The following RBM23 variants were observed in gnomAD, a reference collection of about 807,000 sequenced individuals.
RBM23 encodes the protein RNA binding motif protein 23, also known as probable RNA-binding protein 23.
In RBM23, 53 loss-of-function variants were observed where a neutral mutation model predicts 56.2. That is an observed-to-expected ratio of 0.94 (90% confidence interval 0.76 to 1.19). The LOEUF (loss-of-function observed/expected upper bound fraction) is 1.19, where lower values mean the gene tolerates loss of function less well. Among genes scored for constraint, RBM23 ranks in the 50% most tolerant of loss-of-function variants. The pLI is 0.00. For synonymous variants in RBM23, 197 were observed against 198.5 expected, an observed-to-expected ratio of 0.99 and a Z score of 0.06; for missense variants, 642 against 590.3, an observed-to-expected ratio of 1.09 and a Z score of -0.91.
Position 22,909,544 on chromosome 14 carries a change from T to C in RBM23, c.118A>G (p.Ser40Gly), listed in dbSNP as rs1566572231. The change falls in exon 3 of 14, where the codon AGC becomes GGC. Residue 40 changes from serine to glycine, a missense_variant. Transcript: ENST00000359890. The stretch of plus-strand genomic sequence containing the variant: ...TCATTGCCACTGTTGCTGGTGCTGC[T>C]GGTGGTATTGCTAGGATAATCCTTT... ...VKKDYPSNTTSSTSNSGNETS... is the reference protein window; with the variant it reads ...VKKDYPSNTTGSTSNSGNETS... 5.0e-6 allele frequency: 8 copies of C among 1,613,654 alleles called. No individual in the cohort carries two copies. Among genetic ancestry groups the C allele is most frequent in the Non-Finnish European group, 6.8e-6 (8 of 1,180,006 alleles).
At chr14:22,916,739 T>A (rs556291952) in intron 1 of RBM23, among the ~76,000 whole-genome samples, 1 of 152,198 alleles carries the variant, frequency 6.6e-6, no homozygotes, top group Non-Finnish European at 1.5e-5. Flanking sequence ...TCTTCTCATA[T>A]GTTTATCAAA....
At chr14:22,911,259 T>G in intron 2 of RBM23, 69 bp downstream of exon 2, 1 of 1,251,176 alleles carries the variant, frequency 8.0e-7, no homozygotes. Context: ...ATGTTGAAAG[T>G]TGAAAGTGAT....
At chr14:22,915,659 CTAATT>C (rs1205908835) in intron 1 of RBM23, among the ~76,000 whole-genome samples, 1 of 152,196 alleles carries the variant, frequency 6.6e-6, no homozygotes, top group African/African-American at 2.4e-5. Flanking sequence ...CTACGTCCCA[CTAATT>C]TTTGTATTTT....
intron 1 of RBM23, chr14:22,913,947 C>T (rs1445619566): frequency 6.6e-6 from 1 of 150,996 alleles, no homozygotes; most frequent in Admixed American, 6.6e-5. Flanking sequence ...TTGCTTGAAC[C>T]CGGGAGGCGG....
At chr14:22,905,694 A>T in intron 5 of RBM23, 35 bp from the exon 6 acceptor site, 1 of 1,503,278 alleles carries the variant, frequency 6.7e-7, no homozygotes, top group Non-Finnish European at 9.3e-7. Flanking sequence ...GTGAAACCTT[A>T]TTCTCATTGG....
At position 22,905,351 on chromosome 14, in the gene RBM23, G is replaced by C. The variant is rs2041349433; in HGVS notation, c.558C>G (p.Phe186Leu). ...RIRPRDLEDF[F>L]SAVGKVRDVR... ...GGAGGGTTACCTTGCCTACAGCAGA[G>C]AAAAAGTCCTCCAGATCTCGAGGCC... is the stretch of plus-strand genomic sequence containing the variant. The change falls in exon 7 of 14, where the codon TTC becomes TTG. Residue 186 changes from phenylalanine to leucine, a missense_variant. By Grantham distance (22) the Phe-to-Leu change is conservative (BLOSUM62 0). Transcript: ENST00000359890. 1.2e-6 allele frequency: 2 copies of C among 1,614,106 alleles called. No individual in the cohort carries two copies. The highest frequency in any genetic ancestry group is 1.6e-4 in the Middle Eastern group (1 of 6,062).
At chr14:22,907,131 G>A (rs745654545) in intron 4 of RBM23, among the ~76,000 whole-genome samples, 9 of 151,696 alleles carry the variant, frequency 5.9e-5, no homozygotes, top group African/African-American at 9.7e-5. Flanking sequence ...CCGACGTCGC[G>A]CCACTGCACT....
At position 22,904,963 on chromosome 14, in the gene RBM23, T is replaced by C. The variant is rs375240077; in HGVS notation, c.776A>G (p.Asn259Ser). The change falls in exon 9 of 14, where the codon AAT becomes AGT. Residue 259 changes from asparagine (N) to serine (S), a missense_variant. Physicochemically the swap from Asn to Ser is conservative, Grantham distance 46 (BLOSUM62 1). Transcript: ENST00000359890. ...CACATAGAGGCGCATTGGTCCACCA[T>C]TGCCCTTTTGCAGGTTGTTGGCCAT... The part of the protein sequence containing the change: ...AAMANNLQKG[N>S]GGPMRLYVGS... 139 of 1,614,218 alleles carry C rather than the reference T, an allele frequency of 8.6e-5. No individual in the cohort carries two copies. The highest frequency in any genetic ancestry group is 4.7e-4 in the East Asian group (21 of 44,888).
Position 22,911,360 on chromosome 14 carries a change from C to T in RBM23, c.34G>A (p.Ala12Thr). Residue 12 changes from alanine to threonine, a missense_variant, in exon 2 of 14, where the codon GCC becomes ACC. Ala to Thr is a moderately conservative substitution (Grantham distance 58, BLOSUM62 0). Transcript: ENST00000359890. ...TTTTTATAGGGAGCTTCCAGCATGG[C>T]CTCAATCACTATGTCAAAGTCATCA... The part of the protein sequence containing the change: ...ASDDFDIVIE[A>T]MLEAPYKKEE... 5 of 1,613,726 alleles carry T rather than the reference C, an allele frequency of 3.1e-6. No homozygotes were observed. The highest frequency in any genetic ancestry group is 4.2e-6 in the Non-Finnish European group (5 of 1,179,784).
rs1273744951 is a variant in RBM23, at chr14:22,901,670, G to C, written c.*60C>G. ...AAAATGGAGAAATGGGGCCATGGAA[G>C]AGTAGATGTGAAGTGGCAGGATCCA... On this transcript the variant is annotated 3_prime_UTR_variant, in exon 14 of 14. Transcript: ENST00000359890. 4.4e-6 allele frequency: 7 copies of C among 1,583,192 alleles called. No individual in the cohort carries two copies. The highest frequency in any genetic ancestry group is 5.2e-6 in the Non-Finnish European group (6 of 1,152,120).
At chr14:22,907,833 A>G (rs1446555729) in intron 4 of RBM23, among the ~76,000 whole-genome samples, 1 of 152,202 alleles carries the variant, frequency 6.6e-6, no homozygotes, top group Non-Finnish European at 1.5e-5. Context: ...GTGGAGGTGA[A>G]AGACCCTCTG....
rs59987550 is a variant in RBM23 at position 22,902,756 on chromosome 14, CTTTTTTTTTT to C, written c.931-384_931-375del. On this transcript the variant is annotated intron_variant, in intron 10 of 13. Transcript: ENST00000359890. ...GTTCTCTATCCTAGTAAGTTTTAGTCTTTTTTTTTTTTTTTTTTTTTTTTTTTTGAGACGG... is the reference window on the plus strand; with the variant it reads ...GTTCTCTATCCTAGTAAGTTTTAGTCTTTTTTTTTTTTTTTTTTGAGACGG... The C allele has an allele frequency of 2.4e-4, 110 of 460,840 alleles. 1 individual carries two copies. Among genetic ancestry groups the C allele is most frequent in the South Asian group, 6.2e-4 (5 of 8,086 alleles). The allele number at this position is 460,840 out of a possible 1,614,324, so 28.5% of individuals were successfully genotyped here.
At chr14:22,903,926 G>A in intron 10 of RBM23, 1 of 1,241,090 alleles carries the variant, frequency 8.1e-7, no homozygotes, top group Non-Finnish European at 1.0e-6. Context: ...TATAAAGCAT[G>A]TCTTTAAAAG....
At chr14:22,906,637 C>T (rs2041616944) in intron 4 of RBM23, among the ~76,000 whole-genome samples, 1 of 152,176 alleles carries the variant, frequency 6.6e-6, no homozygotes, top group Non-Finnish European at 1.5e-5. Context: ...GATAGAAAGA[C>T]TAGTGTTTAC....
chr14:22,911,258 G>A, intron 2 of RBM23, 70 bp downstream of exon 2: 2 of 1,246,208 alleles, frequency 1.6e-6, no homozygotes, highest in Non-Finnish European at 2.3e-6. Context: ...AATGTTGAAA[G>A]TTGAAAGTGA....
At chr14:22,913,169 C>T (rs2042878253) in intron 1 of RBM23, among the ~76,000 whole-genome samples, 1 of 151,466 alleles carries the variant, frequency 6.6e-6, no homozygotes, top group Non-Finnish European at 1.5e-5. Flanking sequence ...AATCCCAGCA[C>T]TTTGGGAGGC....
chr14:22,915,441 C>T (rs943967644), intron 1 of RBM23, among the ~76,000 whole-genome samples: 22 of 151,454 alleles, frequency 1.5e-4, no homozygotes, highest in Non-Finnish European at 7.4e-5. Flanking sequence ...TCAGGTGATC[C>T]GACCGCCTCG....
At chr14:22,906,607 T>A (rs1415995408) in intron 4 of RBM23, among the ~76,000 whole-genome samples, 2 of 152,238 alleles carry the variant, frequency 1.3e-5, no homozygotes, top group East Asian at 3.8e-4. Flanking sequence ...TCCAATTATG[T>A]ACAAAGTGAA....
At chr14:22,913,551 C>T (rs1054808055) in intron 1 of RBM23, among the ~76,000 whole-genome samples, 2 of 151,696 alleles carry the variant, frequency 1.3e-5, no homozygotes, top group Non-Finnish European at 2.9e-5. Context: ...CACCTGAGGT[C>T]AGGAGTTTGA....
Sources: allele counts gnomAD v4.1 joint callset (sites outside exome capture counted in the v4.1 genomes callset), GRCh38; gene constraint gnomAD v4.1.1; transcripts MANE v1.5; gene names NCBI Gene and HGNC (gene_info 2026-07-23, HGNC 2026-07-21).